Variants in MCPH1 observed in about 807,000 individuals in gnomAD.
The protein encoded by MCPH1 is microcephalin 1, also known as microcephalin.
MCPH1 carries 104 observed loss-of-function variants against 84.5 expected under a neutral mutation model. The observed-to-expected ratio is 1.23, with a 90% CI of 1.05 to 1.45. The LOEUF is 1.45. Among genes scored for constraint, MCPH1 ranks in the 40% most tolerant of loss-of-function variants. The pLI is 0.00. For missense variants in MCPH1, 1,498 were observed against 1,005.7 expected (o/e 1.49, Z -6.62); for synonymous variants, 514 against 366.8 (o/e 1.40, Z -4.58).
intron 8 of MCPH1, chr8:6,445,998 G>T (rs1804312158): frequency 2.0e-6 from 2 of 979,530 alleles, no homozygotes. Flanking sequence ...CATAGAGAAA[G>T]TGTGAAAAAC....
At chr8:6,542,747 C>T (rs978149005) in intron 12 of MCPH1, among the ~76,000 whole-genome samples, 2 of 152,042 alleles carry the variant, frequency 1.3e-5, no homozygotes, top group African/African-American at 4.8e-5. Context: ...TGCCAAAATA[C>T]TGGGTGGAGC....
chr8:6,504,830 A>G (rs887312483), intron 12 of MCPH1, among the ~76,000 whole-genome samples: 1 of 152,176 alleles, frequency 6.6e-6, no homozygotes, highest in African/African-American at 2.4e-5. Flanking sequence ...ACAGGAAAAA[A>G]TATACACATA....
At chr8:6,513,961 G>A (rs1316436460) in intron 12 of MCPH1, 2 of 987,636 alleles carry the variant, frequency 2.0e-6, no homozygotes, top group Admixed American at 2.8e-5. Context: ...ATTCCTTCTG[G>A]TGCTGTGACA....
intron 11 of MCPH1, among the ~76,000 whole-genome samples, chr8:6,492,703 AAAT>A (rs1810765040): frequency 6.8e-6 from 1 of 146,518 alleles, no homozygotes; most frequent in African/African-American, 2.5e-5. Flanking sequence ...ATTTTTTTAA[AAAT>A]AAATATTTTA....
intron 11 of MCPH1, among the ~76,000 whole-genome samples, chr8:6,481,395 T>C (rs1400190996): frequency 6.6e-6 from 1 of 152,210 alleles, no homozygotes; most frequent in Non-Finnish European, 1.5e-5. Flanking sequence ...AGATAGCTTT[T>C]AAAAATACAT....
chr8:6,595,381 A>G (rs764881280), intron 12 of MCPH1, among the ~76,000 whole-genome samples: 1 of 152,196 alleles, frequency 6.6e-6, no homozygotes, highest in Non-Finnish European at 1.5e-5. Context: ...ACAGCGCTAA[A>G]CTGTCCCATT....
At chr8:6,597,801 C>G (rs1205490058) in intron 12 of MCPH1, among the ~76,000 whole-genome samples, 1 of 152,196 alleles carries the variant, frequency 6.6e-6, no homozygotes, top group Non-Finnish European at 1.5e-5. Flanking sequence ...GTCTACTGTC[C>G]TTCCGTGACC....
At chr8:6,596,544 A>G (rs1355344927) in intron 12 of MCPH1, among the ~76,000 whole-genome samples, 2 of 152,102 alleles carry the variant, frequency 1.3e-5, no homozygotes, top group African/African-American at 4.8e-5. Context: ...ACCCAGCACA[A>G]TGGGCTGGGC....
intron 9 of MCPH1, among the ~76,000 whole-genome samples, chr8:6,465,116 C>A (rs1806714365): frequency 6.6e-6 from 1 of 152,214 alleles, no homozygotes; most frequent in African/African-American, 2.4e-5. Flanking sequence ...ATCTTACTAT[C>A]TGCACCGTTT....
chr8:6,639,077 G>C (rs1157246543), intron 13 of MCPH1, among the ~76,000 whole-genome samples: 3 of 152,154 alleles, frequency 2.0e-5, no homozygotes, highest in African/African-American at 7.2e-5. Context: ...GTTCCATCTT[G>C]TCTCTGTTTA....
chr8:6,433,219 A>G (rs1802097452), intron 4 of MCPH1, among the ~76,000 whole-genome samples: 1 of 152,200 alleles, frequency 6.6e-6, no homozygotes, highest in Non-Finnish European at 1.5e-5. Flanking sequence ...TTTGCTAAGT[A>G]TATTACTTAA....
intron 13 of MCPH1, among the ~76,000 whole-genome samples, chr8:6,641,579 A>C (rs1446585967): frequency 1.3e-5 from 2 of 152,176 alleles, no homozygotes; most frequent in Non-Finnish European, 2.9e-5. Flanking sequence ...CATTGGCTCT[A>C]CAAAAAATCA....
chr8:6,470,531 C>T (rs1807587286), intron 9 of MCPH1, among the ~76,000 whole-genome samples: 1 of 152,198 alleles, frequency 6.6e-6, no homozygotes, highest in Non-Finnish European at 1.5e-5. Context: ...GTGATTCGCC[C>T]ACCTTGGTCT....
Position 6,446,579 on chromosome 8 carries a change from A to G in MCPH1, c.1825+1032A>G, listed in dbSNP as rs185850879. On this transcript the variant is annotated intron_variant, in intron 8 of 13. Transcript: ENST00000344683. ...GACAAGAAACTGTATTTTATGTTCC[A>G]TTAGCCTTAGTATGTGTTTTCAAAA... 1.3e-3 allele frequency: 1,256 copies of G among 982,176 alleles called. 2 individuals carry two copies. The highest frequency in any genetic ancestry group is 7.9e-3 in the Admixed American group (129 of 16,272). The allele number at this position is 982,176 out of a possible 1,614,324, so 60.8% of individuals were successfully genotyped here.
chr8:6,435,962 G>T, intron 4 of MCPH1, 86 bp from the exon 5 acceptor site: 1 of 1,494,814 alleles, frequency 6.7e-7, no homozygotes, highest in Non-Finnish European at 9.1e-7. Flanking sequence ...TGTTATAAAA[G>T]GTATCAGAAA....
intron 12 of MCPH1, among the ~76,000 whole-genome samples, chr8:6,515,139 A>C (rs1279430032): frequency 6.6e-6 from 1 of 151,976 alleles, no homozygotes; most frequent in Admixed American, 6.6e-5. Flanking sequence ...TTGGCCCCGA[A>C]CCCCACATCT....
intron 12 of MCPH1, among the ~76,000 whole-genome samples, chr8:6,536,161 A>G (rs1404431585): frequency 6.6e-6 from 1 of 152,184 alleles, no homozygotes; most frequent in East Asian, 1.9e-4. Context: ...ACAGTCAGGT[A>G]CTCTTTAAAA....
At chr8:6,563,703 G>T (rs140378938) in intron 12 of MCPH1, among the ~76,000 whole-genome samples, 1 of 152,142 alleles carries the variant, frequency 6.6e-6, no homozygotes, top group East Asian at 1.9e-4. Context: ...TCCTGTAAAC[G>T]TGTGCCTTTT....
intron 12 of MCPH1, among the ~76,000 whole-genome samples, chr8:6,595,233 C>T (rs1224023449): frequency 6.6e-6 from 1 of 152,188 alleles, no homozygotes; most frequent in African/African-American, 2.4e-5. Flanking sequence ...GCAAGGATCC[C>T]TGTCCACATG....
Sources: allele counts gnomAD v4.1 joint callset (sites outside exome capture counted in the v4.1 genomes callset), GRCh38; gene constraint gnomAD v4.1.1; transcripts MANE v1.5; gene names NCBI Gene and HGNC (gene_info 2026-07-23, HGNC 2026-07-21).